Variants in CLSTN2 observed in about 807,000 individuals in gnomAD.
CLSTN2 encodes the protein calsyntenin 2.
Under a neutral mutation model 101.2 loss-of-function variants are expected in CLSTN2, and 48 were observed. The observed-to-expected ratio is 0.47, with a 90% CI of 0.38 to 0.60. The LOEUF (loss-of-function observed/expected upper bound fraction) is 0.60. Ranked by LOEUF, CLSTN2 falls within the 20% of genes least tolerant of loss-of-function variation. The pLI is 0.00. For missense variants in CLSTN2, 1,160 were observed against 1,238.2 expected (o/e 0.94, Z 0.95); for synonymous variants, 481 against 463.6 (o/e 1.04, Z -0.48).
At chr3:140,359,334 T>C (rs981683618) in intron 2 of CLSTN2, among the ~76,000 whole-genome samples, 3 of 152,202 alleles carry the variant, frequency 2.0e-5, no homozygotes, top group African/African-American at 7.2e-5. Flanking sequence ...ATTTAAACCA[T>C]GTATGTCACA....
intron 2 of CLSTN2, among the ~76,000 whole-genome samples, chr3:140,329,342 C>T (rs533755173): frequency 3.3e-5 from 5 of 152,320 alleles, no homozygotes; most frequent in East Asian, 1.9e-4. Flanking sequence ...GGCAAGATCA[C>T]GCCACTGCGC....
chr3:140,575,938 T>A lies in CLSTN2; in HGVS notation c.*9685T>A, dbSNP rs1342512699. The A allele has an allele frequency of 6.6e-6, 1 of 152,178 alleles. No homozygotes were observed. Among genetic ancestry groups the A allele is most frequent in the Admixed American group, 6.5e-5 (1 of 15,292 alleles). The allele number at this position is 152,178 out of a possible 1,614,324, so 9.4% of individuals were successfully genotyped here. A position where few individuals can be genotyped will look rare whatever the true frequency, so the allele number is the denominator to read the frequency against. Reference sequence around the variant, plus strand: ...AAATCCTTAGAAGCACTGGTTGGGATGTTACATGTTTTTTCACTGTTGTTG... The same window carrying A: ...AAATCCTTAGAAGCACTGGTTGGGAAGTTACATGTTTTTTCACTGTTGTTG... On this transcript the variant is annotated 3_prime_UTR_variant, in exon 17 of 17. Coordinates refer to ENST00000458420, the MANE Select transcript of CLSTN2 (RefSeq NM_022131.3).
chr3:140,205,984 C>G (rs1181498890), intron 2 of CLSTN2, among the ~76,000 whole-genome samples: 1 of 151,982 alleles, frequency 6.6e-6, no homozygotes, highest in Non-Finnish European at 1.5e-5. Flanking sequence ...CACAGGAGCT[C>G]TCTACACTAG....
intron 6 of CLSTN2, among the ~76,000 whole-genome samples, chr3:140,457,074 A>G (rs1933419869): frequency 6.6e-6 from 1 of 152,158 alleles, no homozygotes; most frequent in Non-Finnish European, 1.5e-5. Context: ...CTTAGCCAAA[A>G]AAAGGACCCT....
intron 8 of CLSTN2, among the ~76,000 whole-genome samples, chr3:140,513,901 C>G (rs1934866958): frequency 6.6e-6 from 1 of 151,816 alleles, no homozygotes; most frequent in Non-Finnish European, 1.5e-5. Context: ...TTATAGTATT[C>G]TCTGATGGTT....
At chr3:140,311,204 T>C (rs2087163613) in intron 2 of CLSTN2, among the ~76,000 whole-genome samples, 1 of 149,682 alleles carries the variant, frequency 6.7e-6, no homozygotes, top group South Asian at 2.1e-4. Context: ...ACAGTGAAAA[T>C]ATCTAGTAAA....
At chr3:140,011,803 G>C (rs756912950) in intron 1 of CLSTN2, among the ~76,000 whole-genome samples, 2 of 152,012 alleles carry the variant, frequency 1.3e-5, no homozygotes, top group Non-Finnish European at 1.5e-5. Context: ...CAGGGGTCGG[G>C]GGGGATTGAA....
intron 8 of CLSTN2, among the ~76,000 whole-genome samples, chr3:140,515,629 C>T (rs1396931608): frequency 2.0e-5 from 3 of 152,058 alleles, no homozygotes; most frequent in African/African-American, 7.2e-5. Flanking sequence ...GTTTACCCAA[C>T]AAGCATTCAG....
chr3:140,511,758 A>G (rs150835523), intron 8 of CLSTN2, among the ~76,000 whole-genome samples: 5,283 of 149,770 alleles, frequency 0.035, 334 homozygotes, highest in African/African-American at 0.12. Context: ...GGGGTTTCAC[A>G]ATGTTAGCCA....
At chr3:140,214,776 G>A (rs925444825) in intron 2 of CLSTN2, among the ~76,000 whole-genome samples, 1 of 152,192 alleles carries the variant, frequency 6.6e-6, no homozygotes, top group Non-Finnish European at 1.5e-5. Context: ...CATAGGGGAA[G>A]AAATTCAGTA....
chr3:140,420,768 T>C (rs1335360171), intron 4 of CLSTN2, among the ~76,000 whole-genome samples: 1 of 152,244 alleles, frequency 6.6e-6, no homozygotes, highest in Non-Finnish European at 1.5e-5. Flanking sequence ...TGCAGATGAA[T>C]GGTCTTTGCC....
At chr3:140,504,691 C>T (rs1298648201) in intron 8 of CLSTN2, among the ~76,000 whole-genome samples, 4 of 152,336 alleles carry the variant, frequency 2.6e-5, no homozygotes. Context: ...AAGCTTGGAA[C>T]CAGCACATGC....
At chr3:139,956,917 C>G (rs146136339) in intron 1 of CLSTN2, among the ~76,000 whole-genome samples, 2 of 152,176 alleles carry the variant, frequency 1.3e-5, no homozygotes, top group African/African-American at 4.8e-5. Flanking sequence ...CTGCTTCATC[C>G]GTAATGCATC....
chr3:140,292,142 C>T (rs908130071), intron 2 of CLSTN2, among the ~76,000 whole-genome samples: 5 of 152,162 alleles, frequency 3.3e-5, no homozygotes, highest in African/African-American at 1.2e-4. Context: ...CTATCTAAGG[C>T]TTGCCTCCCA....
intron 8 of CLSTN2, among the ~76,000 whole-genome samples, chr3:140,476,560 A>T (rs561575956): frequency 6.6e-6 from 1 of 152,310 alleles, no homozygotes; most frequent in Admixed American, 6.5e-5. Flanking sequence ...GAGGACAAGA[A>T]TATACTCATA....
chr3:140,066,506 C>T (rs2008302277), intron 1 of CLSTN2, among the ~76,000 whole-genome samples: 1 of 152,124 alleles, frequency 6.6e-6, no homozygotes, highest in Admixed American at 6.5e-5. Flanking sequence ...GAGATAGTCC[C>T]CTGAGAGAAG....
chr3:140,073,453 G>A (rs1048876181), intron 1 of CLSTN2, among the ~76,000 whole-genome samples: 2 of 152,238 alleles, frequency 1.3e-5, no homozygotes, highest in Non-Finnish European at 2.9e-5. Context: ...TTTGGGACTT[G>A]AAGAATGGTG....
chr3:140,547,246 C>T (rs113504524), intron 10 of CLSTN2, among the ~76,000 whole-genome samples: 4,702 of 152,228 alleles, frequency 0.031, 119 homozygotes, highest in Non-Finnish European at 0.051. Flanking sequence ...GAGGCTGAGG[C>T]AGGTGGATCA....
Position 140,568,203 on chromosome 3 carries a change from G to A in CLSTN2, c.*1950G>A, listed in dbSNP as rs1385564333. The A allele has an allele frequency of 6.6e-6, 1 of 152,208 alleles. No individual in the cohort carries two copies. Among genetic ancestry groups the A allele is most frequent in the Non-Finnish European group, 1.5e-5 (1 of 68,048 alleles). The allele number at this position is 152,208 out of a possible 1,614,324, so 9.4% of individuals were successfully genotyped here. A position where few individuals can be genotyped will look rare whatever the true frequency, so the allele number is the denominator to read the frequency against. ...AGACACTGCTGCAAACCTACTATGT[G>A]CTAAGCATCCTACCAATAGCTGTGA... On this transcript the variant is annotated 3_prime_UTR_variant, in exon 17 of 17. Transcript: ENST00000458420.
Sources: allele counts gnomAD v4.1 joint callset (sites outside exome capture counted in the v4.1 genomes callset), GRCh38; gene constraint gnomAD v4.1.1; transcripts MANE v1.5; gene names NCBI Gene and HGNC (gene_info 2026-07-23, HGNC 2026-07-21).